Variants in PPP3CA observed in about 807,000 individuals in gnomAD.
PPP3CA encodes CAM-PRP catalytic subunit.
Under a neutral mutation model 66.5 loss-of-function variants are expected in PPP3CA, and 14 were observed. The observed-to-expected ratio is 0.21, with a 90% CI of 0.14 to 0.33. The LOEUF (loss-of-function observed/expected upper bound fraction) is 0.33. Ranked by LOEUF, PPP3CA falls within the 10% of genes least tolerant of loss-of-function variation. PPP3CA has a pLI of 1.00. For synonymous variants in PPP3CA, 232 were observed against 226.2 expected, an observed-to-expected ratio of 1.03 and a Z score of -0.23; for missense variants, 317 against 639.5, an observed-to-expected ratio of 0.50 and a Z score of 5.44.
At chr4:101,032,447 A>G (rs1727014476) in intron 11 of PPP3CA, 83 bp from the exon 12 acceptor site, 3 of 1,139,902 alleles carry the variant, frequency 2.6e-6, no homozygotes, top group Non-Finnish European at 2.6e-6. Flanking sequence ...AAAAAAATGC[A>G]TATAAGCACC....
intron 1 of PPP3CA, among the ~76,000 whole-genome samples, chr4:101,199,238 A>G (rs971762127): frequency 1.3e-5 from 2 of 152,216 alleles, no homozygotes; most frequent in African/African-American, 4.8e-5. Flanking sequence ...TATTTAGACC[A>G]AAGAATCCAA....
At chr4:101,168,635 A>C (rs1178948185) in intron 2 of PPP3CA, among the ~76,000 whole-genome samples, 1 of 152,188 alleles carries the variant, frequency 6.6e-6, no homozygotes, top group African/African-American at 2.4e-5. Context: ...CCTGATAACC[A>C]AGGGAAGAAA....
At chr4:101,301,982 G>A (rs544230657) in intron 1 of PPP3CA, among the ~76,000 whole-genome samples, 1 of 151,846 alleles carries the variant, frequency 6.6e-6, no homozygotes, top group Admixed American at 6.6e-5. Context: ...AAAGAAATTT[G>A]TTTCGAAGAA....
intron 1 of PPP3CA, among the ~76,000 whole-genome samples, chr4:101,231,342 T>A (rs1245876881): frequency 6.6e-6 from 1 of 151,744 alleles, no homozygotes; most frequent in Non-Finnish European, 1.5e-5. Flanking sequence ...CATGATTTTA[T>A]CTGTAAGTCA....
At chr4:101,342,136 G>C (rs1232762736) in intron 1 of PPP3CA, among the ~76,000 whole-genome samples, 1 of 151,986 alleles carries the variant, frequency 6.6e-6, no homozygotes, top group Non-Finnish European at 1.5e-5. Flanking sequence ...ATTTTAAAAG[G>C]CATATTTTTA....
chr4:101,029,366 A>AAG (rs1726828019), intron 12 of PPP3CA, among the ~76,000 whole-genome samples, 171 bp from the exon 13 acceptor site: 1 of 104,466 alleles, frequency 9.6e-6, no homozygotes, highest in Non-Finnish European at 2.3e-5. Flanking sequence ...AAAAAAAAAA[A>AAG]AAAAAAGAAA....
chr4:101,208,501 G>T (rs1473694283), intron 1 of PPP3CA, among the ~76,000 whole-genome samples: 1 of 152,168 alleles, frequency 6.6e-6, no homozygotes, highest in Non-Finnish European at 1.5e-5. Flanking sequence ...GCATATTTCA[G>T]TGTGCATATA....
intron 10 of PPP3CA, among the ~76,000 whole-genome samples, chr4:101,047,990 A>G (rs1391292519): frequency 6.6e-6 from 1 of 152,104 alleles, no homozygotes; most frequent in Non-Finnish European, 1.5e-5. Context: ...GCATCTCTTT[A>G]ATGATAAAGA....
At chr4:101,212,587 T>A (rs1449503473) in intron 1 of PPP3CA, among the ~76,000 whole-genome samples, 3 of 151,972 alleles carry the variant, frequency 2.0e-5, no homozygotes, top group East Asian at 1.9e-4. Flanking sequence ...GTAACAAACC[T>A]ATGCATCCTG....
chr4:101,331,825 T>C (rs1340064413), intron 1 of PPP3CA, among the ~76,000 whole-genome samples: 1 of 152,142 alleles, frequency 6.6e-6, no homozygotes, highest in Non-Finnish European at 1.5e-5. Context: ...ATGTAACATA[T>C]GCTATATTAT....
intron 1 of PPP3CA, among the ~76,000 whole-genome samples, chr4:101,340,096 C>T (rs10516469): frequency 0.078 from 11,793 of 152,134 alleles, 730 homozygotes; most frequent in Non-Finnish European, 0.11. Context: ...GTCAAAAGTA[C>T]CTGAAATTGA....
At chr4:101,338,924 T>A (rs907989860) in intron 1 of PPP3CA, among the ~76,000 whole-genome samples, 2 of 152,264 alleles carry the variant, frequency 1.3e-5, no homozygotes, top group Admixed American at 6.5e-5. Context: ...TCCATCTTTT[T>A]AAGAATATAT....
intron 1 of PPP3CA, among the ~76,000 whole-genome samples, chr4:101,314,252 C>T (rs1206531220): frequency 1.3e-5 from 2 of 152,030 alleles, no homozygotes; most frequent in Non-Finnish European, 2.9e-5. Context: ...GGAGTAAGTT[C>T]GGCAGATGGG....
At chr4:101,339,429 T>C (rs1037564721) in intron 1 of PPP3CA, among the ~76,000 whole-genome samples, 3 of 152,182 alleles carry the variant, frequency 2.0e-5, no homozygotes, top group Non-Finnish European at 4.4e-5. Context: ...ATAAATTAAA[T>C]TGAATAGAAC....
chr4:101,324,261 G>T (rs1412078067), intron 1 of PPP3CA, among the ~76,000 whole-genome samples: 2 of 151,178 alleles, frequency 1.3e-5, no homozygotes, highest in Non-Finnish European at 2.9e-5. Flanking sequence ...CGAAACAGAG[G>T]CACATAATTA....
chr4:101,095,977 A>G (rs1420102476), intron 5 of PPP3CA, among the ~76,000 whole-genome samples: 1 of 152,088 alleles, frequency 6.6e-6, no homozygotes, highest in Non-Finnish European at 1.5e-5. Context: ...ATACTGAACC[A>G]GCATCACATC....
At chr4:101,185,166 A>G (rs1428863572) in intron 2 of PPP3CA, among the ~76,000 whole-genome samples, 2 of 135,472 alleles carry the variant, frequency 1.5e-5, no homozygotes, top group African/African-American at 7.1e-5. Context: ...TCTAACTAGG[A>G]AAAAAAAAAA....
chr4:101,305,227 C>G (rs1047198225), intron 1 of PPP3CA, among the ~76,000 whole-genome samples: 3 of 152,132 alleles, frequency 2.0e-5, no homozygotes, highest in African/African-American at 7.2e-5. Context: ...AGAAAAACTG[C>G]CTGGTTTTCA....
At chr4:101,171,673 C>T (rs765219604) in intron 2 of PPP3CA, among the ~76,000 whole-genome samples, 13 of 152,216 alleles carry the variant, frequency 8.5e-5, no homozygotes, top group Non-Finnish European at 1.9e-4. Context: ...AGTGCCCATG[C>T]TCAGTCATGA....
Sources: allele counts gnomAD v4.1 joint callset (sites outside exome capture counted in the v4.1 genomes callset), GRCh38; gene constraint gnomAD v4.1.1; transcripts MANE v1.5; gene names NCBI Gene and HGNC (gene_info 2026-07-23, HGNC 2026-07-21).